SCFD2: variants seen among roughly 807,000 people sequenced by gnomAD.
SCFD2 encodes sec1 family domain containing 2, also known as sec1 family domain-containing protein 2.
SCFD2 carries 54 observed loss-of-function variants against 58.9 expected under a neutral mutation model. That is an observed-to-expected ratio of 0.92 (90% CI 0.74 to 1.15). The LOEUF is 1.15. Ranked by LOEUF, SCFD2 falls within the 50% of genes most tolerant of loss-of-function variation. The pLI is 0.00. For missense variants in SCFD2, 805 were observed against 836.6 expected (o/e 0.96, Z 0.47); for synonymous variants, 321 against 335.9 (o/e 0.96, Z 0.49).
Position 52,885,790 on chromosome 4 carries a change from T to C in SCFD2, c.1919A>G (p.Lys640Arg). 6.2e-7 allele frequency: 1 copy of C among 1,614,124 alleles called. No individual in the cohort carries two copies. Among genetic ancestry groups the C allele is most frequent in the South Asian group, 1.1e-5 (1 of 91,082 alleles). Residue 640 changes from lysine (K) to arginine (R), a missense_variant, in exon 8 of 9, where the codon AAA (lysine) becomes AGA (arginine). Physicochemically the swap from Lys to Arg is conservative, Grantham distance 26. This residue lies in a region of SCFD2 where 633 missense variants were observed against 646.8 expected (regional missense o/e 0.98). Transcript: ENST00000401642. The part of the protein sequence containing the change: ...VVGGVTVSEV[K>R]MVKDLVASLK... ...CGATGCCACAAGATCTTTGACCATTTTCACTTCAGAGACTGTGACCCCACC... is the reference window on the plus strand; with the variant it reads ...CGATGCCACAAGATCTTTGACCATTCTCACTTCAGAGACTGTGACCCCACC...
chr4:53,165,439 G>A (rs1278222526), intron 4 of SCFD2, among the ~76,000 whole-genome samples: 1 of 152,052 alleles, frequency 6.6e-6, no homozygotes, highest in Non-Finnish European at 1.5e-5. Context: ...AGATCATGGA[G>A]CTGTAATCTC....
At chr4:52,914,895 G>A (rs1311908947) in intron 6 of SCFD2, among the ~76,000 whole-genome samples, 1 of 152,074 alleles carries the variant, frequency 6.6e-6, no homozygotes, top group Non-Finnish European at 1.5e-5. Flanking sequence ...AGCTTAAAGA[G>A]ACCCCTTGAT....
At chr4:53,225,164 T>TA (rs1729165857) in intron 4 of SCFD2, among the ~76,000 whole-genome samples, 1 of 152,168 alleles carries the variant, frequency 6.6e-6, no homozygotes, top group South Asian at 2.1e-4. Context: ...GAAATTACCA[T>TA]AAAAAATATA....
chr4:53,341,484 G>C (rs1467340157), intron 2 of SCFD2, among the ~76,000 whole-genome samples: 1 of 152,200 alleles, frequency 6.6e-6, no homozygotes, highest in Non-Finnish European at 1.5e-5. Flanking sequence ...CGTCTGATTG[G>C]TGTACCTGAA....
At chr4:53,311,642 A>AT (rs112487774) in intron 3 of SCFD2, among the ~76,000 whole-genome samples, 83,163 of 150,044 alleles carry the variant, frequency 0.55, 23,274 homozygotes, top group Middle Eastern at 0.63. Flanking sequence ...CTTGATTCAC[A>AT]ATTTTTTTTT....
chr4:52,971,959 C>A (rs1721114498), intron 5 of SCFD2, among the ~76,000 whole-genome samples: 1 of 152,122 alleles, frequency 6.6e-6, no homozygotes. Context: ...TATAGACAAG[C>A]AAATGCTGAG....
intron 5 of SCFD2, among the ~76,000 whole-genome samples, chr4:53,011,989 C>A (rs1422228755): frequency 7.5e-6 from 1 of 133,104 alleles, no homozygotes; most frequent in African/African-American, 2.8e-5. Flanking sequence ...TTTTGAAAAA[C>A]CAGGTTTTAG....
intron 4 of SCFD2, among the ~76,000 whole-genome samples, chr4:53,217,005 G>C (rs182616895): frequency 8.1e-4 from 123 of 152,254 alleles, no homozygotes; most frequent in African/African-American, 2.8e-3. Flanking sequence ...ACTGTGGTCT[G>C]AGAGACAGTT....
At chr4:53,114,309 T>C (rs1407752742) in intron 5 of SCFD2, among the ~76,000 whole-genome samples, 1 of 152,070 alleles carries the variant, frequency 6.6e-6, no homozygotes, top group Non-Finnish European at 1.5e-5. Context: ...ACTATATATC[T>C]CCAAAACAGA....
intron 2 of SCFD2, among the ~76,000 whole-genome samples, chr4:53,314,210 G>A (rs1732788045): frequency 1.3e-5 from 2 of 152,278 alleles, no homozygotes; most frequent in Admixed American, 6.5e-5. Flanking sequence ...AATCAGCAAT[G>A]AGCATTTCAT....
chr4:53,364,524 T>C (rs1447574335), intron 1 of SCFD2, among the ~76,000 whole-genome samples: 1 of 152,256 alleles, frequency 6.6e-6, no homozygotes, highest in East Asian at 1.9e-4. Flanking sequence ...ACTTAATCTT[T>C]AATACAATGA....
chr4:53,237,743 C>T (rs865875539), intron 4 of SCFD2, among the ~76,000 whole-genome samples: 25 of 90,740 alleles, frequency 2.8e-4, no homozygotes, highest in South Asian at 8.3e-4. Context: ...CCTCACCTCC[C>T]GGACGGGGCG....
At chr4:53,112,811 G>C (rs1335349850) in intron 5 of SCFD2, among the ~76,000 whole-genome samples, 1 of 152,034 alleles carries the variant, frequency 6.6e-6, no homozygotes, top group African/African-American at 2.4e-5. Context: ...TCTCTCAACT[G>C]TTGATGCCTA....
intron 5 of SCFD2, among the ~76,000 whole-genome samples, chr4:53,034,689 CAGAG>C (rs1209409709): frequency 6.6e-6 from 1 of 152,124 alleles, no homozygotes; most frequent in African/African-American, 2.4e-5. Context: ...AACAGACAAA[CAGAG>C]AGCCAAATTA....
At chr4:53,301,039 A>G (rs1732263928) in intron 3 of SCFD2, among the ~76,000 whole-genome samples, 2 of 152,326 alleles carry the variant, frequency 1.3e-5, no homozygotes, top group South Asian at 4.2e-4. Context: ...AATTAAAAGA[A>G]CTAGAGAAGC....
At chr4:53,231,937 A>G (rs749167305) in intron 4 of SCFD2, among the ~76,000 whole-genome samples, 5 of 152,126 alleles carry the variant, frequency 3.3e-5, no homozygotes, top group Non-Finnish European at 7.4e-5. Flanking sequence ...CTACATGTAC[A>G]GATTTTATGT....
chr4:53,298,442 G>T (rs1732132277), intron 3 of SCFD2, among the ~76,000 whole-genome samples: 1 of 152,234 alleles, frequency 6.6e-6, no homozygotes, highest in Non-Finnish European at 1.5e-5. Context: ...AAACAAAGCG[G>T]CCAGGAAGCT....
intron 3 of SCFD2, among the ~76,000 whole-genome samples, chr4:53,296,265 C>T (rs190162402): frequency 6.6e-6 from 1 of 152,168 alleles, no homozygotes; most frequent in African/African-American, 2.4e-5. Flanking sequence ...TCTCTCTGGT[C>T]CTGGACTTTT....
In SCFD2 at chr4:52,907,492, C is replaced by G; in HGVS notation, c.1807G>C (p.Asp603His). 6.2e-7 allele frequency: 1 copy of G among 1,614,046 alleles called. No homozygotes were observed. The highest frequency in any genetic ancestry group is 8.5e-7 in the Non-Finnish European group (1 of 1,179,930). ...DIEHMSSGLT[D>H]LLKTGFSMFM... ...ATGCTAAATCCAGTTTTAAGGAGAT[C>G]AGTGAGGCCTGAAGACATGTGTTCA... The change falls in exon 7 of 9, where the codon GAT becomes CAT. Residue 603 changes from aspartate to histidine, a missense_variant. Physicochemically the swap from Asp to His is moderately conservative, Grantham distance 81 (BLOSUM62 -1). Transcript: ENST00000401642.
Sources: allele counts gnomAD v4.1 joint callset (sites outside exome capture counted in the v4.1 genomes callset), GRCh38; gene constraint gnomAD v4.1.1; regional missense constraint gnomAD v4.1.1; transcripts MANE v1.5; gene names NCBI Gene and HGNC (gene_info 2026-07-23, HGNC 2026-07-21).